FGF7: variants seen among roughly 807,000 people sequenced by gnomAD.
FGF7 encodes the protein fibroblast growth factor 7, also known as FGF-7.
Under a neutral mutation model 20.5 loss-of-function variants are expected in FGF7, and 6 were observed. The ratio of observed to expected loss-of-function variants is 0.29; its 90% CI spans 0.16 to 0.58. FGF7 has a LOEUF of 0.58. Among genes scored for constraint, FGF7 ranks in the 20% least tolerant of loss-of-function variants. The pLI, the probability that FGF7 is intolerant of heterozygous loss-of-function variation, is 0.90. For synonymous variants in FGF7, 64 were observed against 74.7 expected (o/e 0.86, Z 0.74); for missense variants, 144 against 228.8 (o/e 0.63, Z 2.39).
In FGF7 at chr15:49,476,221, TTTTGTTTTTGG is replaced by T. The variant is rs1215190207; in HGVS notation, c.287-6926_287-6916del. Among the ~76,000 whole-genome samples, 42 of 117,582 alleles carry T rather than the reference TTTTGTTTTTGG, an allele frequency of 3.6e-4. 5 individuals carry two copies. The highest frequency in any genetic ancestry group is 6.3e-4 in the Non-Finnish European group (35 of 55,300). 77.1% of individuals were successfully genotyped at this position (117,582 alleles called of 152,430 possible). A position where few individuals can be genotyped will look rare whatever the true frequency, so the allele number is the denominator to read the frequency against. The stretch of plus-strand genomic sequence containing the variant: ...TCCTATTTATTTTGCTGTTTTGTTT[TTTTGTTTTTGG>T]TTTTTTTTTTTTTGCATTTGGCATA... On this transcript the variant is annotated intron_variant, in intron 2 of 3. Transcript: ENST00000267843.
rs141679027 is a variant in FGF7, at chr15:49,445,961, T to C, written c.286+21378T>C. 7.0e-3 allele frequency among the ~76,000 whole-genome samples: 1,056 copies of C among 151,698 alleles called. 17 individuals are homozygous for C. The highest frequency in any genetic ancestry group is 0.025 in the African/African-American group (1,017 of 41,482). ...AATGCCCAAGTATCAGACTTCCCCATCTACATTATAATTTTATATAAATTC... is the reference window on the plus strand; with the variant it reads ...AATGCCCAAGTATCAGACTTCCCCACCTACATTATAATTTTATATAAATTC... On this transcript the variant is annotated intron_variant, in intron 2 of 3. Coordinates refer to ENST00000267843, the MANE Select transcript of FGF7 (RefSeq NM_002009.4).
At chr15:49,476,606 T>TAAC (rs3075949) in intron 2 of FGF7, among the ~76,000 whole-genome samples, 50,760 of 151,770 alleles carry the variant, frequency 0.33, 9,419 homozygotes, top group African/African-American at 0.49. Context: ...TAGTAATTAA[T>TAAC]AAATCACATA....
intron 2 of FGF7, among the ~76,000 whole-genome samples, chr15:49,453,685 G>T (rs1025995570): frequency 6.6e-6 from 1 of 152,022 alleles, no homozygotes; most frequent in Non-Finnish European, 1.5e-5. Context: ...TATGACCCAC[G>T]TGCTGTTTAA....
At chr15:49,463,889 A>C (rs2054027132) in intron 2 of FGF7, among the ~76,000 whole-genome samples, 1 of 152,086 alleles carries the variant, frequency 6.6e-6, no homozygotes, top group Non-Finnish European at 1.5e-5. Context: ...AGACTACTTC[A>C]AACTGATTTG....
intron 2 of FGF7, among the ~76,000 whole-genome samples, chr15:49,475,883 G>A (rs1434827772): frequency 2.6e-5 from 4 of 152,124 alleles, no homozygotes; most frequent in African/African-American, 9.7e-5. Flanking sequence ...AGCTACAAGG[G>A]AGGCTGAGGA....
chr15:49,426,979 T>C lies in FGF7; in HGVS notation c.286+2396T>C, dbSNP rs539768619. 5.9e-5 allele frequency among the ~76,000 whole-genome samples: 9 copies of C among 152,066 alleles called. 1 individual carries two copies. The highest frequency in any genetic ancestry group is 2.2e-4 in the African/African-American group (9 of 41,528). The stretch of plus-strand genomic sequence containing the variant: ...TTGGAGAAGGAGTCAGTAAGATTTC[T>C]CCAAAGTTAAAAAGAGGATAAGCCA... On this transcript the variant is annotated intron_variant, in intron 2 of 3. Coordinates refer to ENST00000267843, the MANE Select transcript of FGF7 (RefSeq NM_002009.4).
chr15:49,452,047 A>ATT (rs1004537305), intron 2 of FGF7, among the ~76,000 whole-genome samples: 1 of 146,426 alleles, frequency 6.8e-6, no homozygotes, highest in African/African-American at 2.5e-5. Flanking sequence ...TACCAACCAG[A>ATT]TTTTTTTTTT....
At chr15:49,453,916 C>T (rs921771834) in intron 2 of FGF7, among the ~76,000 whole-genome samples, 2 of 152,152 alleles carry the variant, frequency 1.3e-5, no homozygotes, top group African/African-American at 4.8e-5. Context: ...TTGCATTCCT[C>T]CATCTCTTCT....
rs1323555912 is a variant in FGF7 at position 49,483,242 on chromosome 15, ACT to A, written c.381_382del (p.Tyr128CysfsTer7). 6.4e-7 allele frequency: 1 copy of A among 1,556,888 alleles called. No homozygotes were observed. The highest frequency in any genetic ancestry group is 1.4e-5 in the African/African-American group (1 of 73,974). ...ATCTTGCAATGAACAAGGAAGGAAAACTCTATGCAAAGGTATTGATAATTGAT... is the reference window on the plus strand; with the variant it reads ...ATCTTGCAATGAACAAGGAAGGAAAACTATGCAAAGGTATTGATAATTGAT... ...FYLAMNKEGK[L>X]YAKKECNEDC... On this transcript the variant is annotated frameshift_variant, in exon 3 of 4. Coordinates refer to ENST00000267843, the MANE Select transcript of FGF7 (RefSeq NM_002009.4). LOFTEE classifies it high-confidence loss of function.
intron 2 of FGF7, among the ~76,000 whole-genome samples, chr15:49,432,167 T>C (rs1282987445): frequency 6.6e-6 from 1 of 151,770 alleles, no homozygotes; most frequent in Non-Finnish European, 1.5e-5. Flanking sequence ...CCATTTTATC[T>C]GGCTACTTGA....
At position 49,487,172 on chromosome 15, in the gene FGF7, G is replaced by A. The variant is rs1006447106; in HGVS notation, c.*2668G>A. The A allele has an allele frequency of 1.3e-5, 2 of 151,794 alleles. No homozygotes were observed. Among genetic ancestry groups the A allele is most frequent in the Non-Finnish European group, 2.9e-5 (2 of 67,838 alleles). The allele number at this position is 151,794 out of a possible 1,614,324, so 9.4% of individuals were successfully genotyped here. ...ATACTGTGATGATTTGACTCAAAAG[G>A]AGAAAAGAAATTATGTAGTTTTCAA... On this transcript the variant is annotated 3_prime_UTR_variant, in exon 4 of 4. Coordinates refer to ENST00000267843, the MANE Select transcript of FGF7 (RefSeq NM_002009.4).
chr15:49,454,437 T>C (rs1388016654), intron 2 of FGF7, among the ~76,000 whole-genome samples: 1 of 152,188 alleles, frequency 6.6e-6, no homozygotes, highest in East Asian at 1.9e-4. Flanking sequence ...GTGCCTGCTC[T>C]GTTTATAGAA....
rs567146095 is a variant in FGF7 at position 49,427,707 on chromosome 15, C to A, written c.286+3124C>A. On this transcript the variant is annotated intron_variant, in intron 2 of 3. Coordinates refer to ENST00000267843, the MANE Select transcript of FGF7 (RefSeq NM_002009.4). ...GGACTACTCACTTCACCAGCAGAAG[C>A]AATGCTTCCACACAGGAATGTGGTT... 5.9e-5 allele frequency among the ~76,000 whole-genome samples: 9 copies of A among 152,070 alleles called. No homozygotes were observed. In the South Asian group the frequency reaches 1.0e-3, roughly 18 times the overall value.
rs528918546 is a variant in FGF7, at chr15:49,480,703, G to C, written c.287-2448G>C. On this transcript the variant is annotated intron_variant, in intron 2 of 3. Transcript: ENST00000267843. ...TCGCCATGTTGGCCAGGTTAGTATT[G>C]AATTCCTGACCTCAAGTGTTCCGCC... Among the ~76,000 whole-genome samples the C allele has an allele frequency of 2.0e-5, 3 of 152,092 alleles. No individual in the cohort carries two copies. In the East Asian group the frequency reaches 5.8e-4, roughly 29 times the overall value.
At chr15:49,446,862 G>A (rs2052267286) in intron 2 of FGF7, among the ~76,000 whole-genome samples, 1 of 151,564 alleles carries the variant, frequency 6.6e-6, no homozygotes, top group African/African-American at 2.4e-5. Context: ...CAAGCAGGGG[G>A]AGAAGTGAGG....
intron 2 of FGF7, among the ~76,000 whole-genome samples, chr15:49,458,237 T>C (rs2053490365): frequency 6.6e-6 from 1 of 152,006 alleles, no homozygotes; most frequent in Non-Finnish European, 1.5e-5. Context: ...ATTTTGAATG[T>C]ATATTTATTC....
chr15:49,463,686 G>C (rs2054007452), intron 2 of FGF7, among the ~76,000 whole-genome samples: 1 of 152,044 alleles, frequency 6.6e-6, no homozygotes, highest in Admixed American at 6.6e-5. Context: ...ACCCCCAAAT[G>C]CCACAGTGTT....
chr15:49,482,305 T>C (rs1371091339), intron 2 of FGF7, among the ~76,000 whole-genome samples: 1 of 152,104 alleles, frequency 6.6e-6, no homozygotes, highest in Non-Finnish European at 1.5e-5. Flanking sequence ...TAAAGGAAAA[T>C]AGTAAGTTAC....
chr15:49,442,635 C>G (rs1025125374), intron 2 of FGF7, among the ~76,000 whole-genome samples: 25 of 151,642 alleles, frequency 1.6e-4, no homozygotes, highest in African/African-American at 5.6e-4. Flanking sequence ...TAGTTACTCA[C>G]TAATTACATG....
Sources: allele counts gnomAD v4.1 joint callset (sites outside exome capture counted in the v4.1 genomes callset), GRCh38; gene constraint gnomAD v4.1.1; transcripts MANE v1.5; gene names NCBI Gene and HGNC (gene_info 2026-07-23, HGNC 2026-07-21).